PYGB: variants seen among roughly 807,000 people sequenced by gnomAD.
PYGB encodes the protein glycogen phosphorylase, brain form.
A neutral mutation model predicts 94.3 loss-of-function variants in PYGB; 82 were observed. The observed-to-expected ratio is 0.87, with a 90% CI of 0.73 to 1.04. The LOEUF (loss-of-function observed/expected upper bound fraction) is 1.04. PYGB is among the 50% of genes least tolerant of loss of function. The pLI, the probability that PYGB is intolerant of heterozygous loss-of-function variation, is 0.00. For synonymous variants in PYGB, 488 were observed against 479.1 expected (o/e 1.02, Z -0.24); for missense variants, 1,132 against 1,158.2 (o/e 0.98, Z 0.33).
chr20:25,287,960 G>A (rs918858818), intron 14 of PYGB, among the ~76,000 whole-genome samples: 2 of 152,202 alleles, frequency 1.3e-5, no homozygotes, highest in Non-Finnish European at 2.9e-5. Context: ...CAGCCTGGGC[G>A]ACAGAGTGAG....
chr20:25,285,475 A>G (rs980165554), intron 14 of PYGB: 1 of 149,702 alleles, frequency 6.7e-6, no homozygotes, highest in Non-Finnish European at 1.5e-5. Context: ...CGCCACCCCC[A>G]GTCGTCAGTT....
chr20:25,249,611 G>A (rs2092881783), intron 1 of PYGB, among the ~76,000 whole-genome samples: 1 of 152,228 alleles, frequency 6.6e-6, no homozygotes, highest in Admixed American at 6.5e-5. Context: ...GAGATTGACT[G>A]CTTTTCCAAA....
In PYGB at chr20:25,277,285, T is replaced by G. The variant is rs2088321723; in HGVS notation, c.814T>G (p.Leu272Val). 1 of 1,587,120 alleles carries G rather than the reference T, an allele frequency of 6.3e-7. No individual in the cohort carries two copies. The highest frequency in any genetic ancestry group is 8.7e-7 in the Non-Finnish European group (1 of 1,155,498). The change falls in exon 7 of 20, where the codon TTG (leucine) becomes GTG (valine). Residue 272 changes from leucine (L) to valine (V), a missense_variant. By Grantham distance (32) the Leu-to-Val change is conservative. Transcript: ENST00000216962. ...CATCGAGGCGGTCCTGGACCGGAAC[T>G]TGGCTGAGAACATCTCCAGGGTCCT... ...DYIEAVLDRNLAENISRVLYP... is the reference protein window; with the variant it reads ...DYIEAVLDRNVAENISRVLYP...
chr20:25,249,197 T>C (rs1051314757), intron 1 of PYGB, among the ~76,000 whole-genome samples: 4 of 152,220 alleles, frequency 2.6e-5, no homozygotes, highest in African/African-American at 9.6e-5. Context: ...TATTCCTAAA[T>C]ATACATACAC....
intron 2 of PYGB, among the ~76,000 whole-genome samples, chr20:25,263,903 AAG>A (rs2092918906): frequency 6.6e-6 from 1 of 152,232 alleles, no homozygotes; most frequent in Non-Finnish European, 1.5e-5. Context: ...TCAATAGAAA[AAG>A]AGAGAATCCT....
intron 8 of PYGB, among the ~76,000 whole-genome samples, 153 bp downstream of exon 8, chr20:25,278,615 G>T (rs2088336551): frequency 1.3e-5 from 2 of 152,246 alleles, no homozygotes; most frequent in Non-Finnish European, 2.9e-5. Context: ...ATCCCACCTG[G>T]GCCCTCCCTT....
rs2088329094 is a variant in PYGB, at chr20:25,278,007, A to G, written c.856-312A>G. Among the ~76,000 whole-genome samples, 3 of 152,246 alleles carry G rather than the reference A, an allele frequency of 2.0e-5. 1 individual carries two copies. The highest frequency in any genetic ancestry group is 4.1e-4 in the South Asian group (2 of 4,838). The stretch of plus-strand genomic sequence containing the variant: ...TCAAAGAGTGCACTCCCCTGTCCCC[A>G]TGAGACTGTTGGCAGACCCCAAGCC... On this transcript the variant is annotated intron_variant, in intron 7 of 19. Coordinates refer to ENST00000216962, the MANE Select transcript of PYGB (RefSeq NM_002862.4).
In PYGB at chr20:25,279,694, TA is replaced by T. The variant is rs1008096909; in HGVS notation, c.1092+554del. ...GGGCAATACAGCAAGACCCCACCTC[TA>T]AAAAAAAAGCCAGGTGTGGCAGCAC... On this transcript the variant is annotated intron_variant, in intron 9 of 19. Coordinates refer to ENST00000216962, the MANE Select transcript of PYGB (RefSeq NM_002862.4). Among the ~76,000 whole-genome samples the T allele has an allele frequency of 1.1e-4, 17 of 149,878 alleles. No homozygotes were observed. In the South Asian group the frequency reaches 1.9e-3, roughly 17 times the overall value.
chr20:25,289,855 TCAC>T (rs779379575), intron 15 of PYGB: 26 of 533,380 alleles, frequency 4.9e-5, no homozygotes, highest in Middle Eastern at 3.2e-4. Flanking sequence ...GACTGAAACA[TCAC>T]CACACAGTAC....
chr20:25,274,088 A>G (rs991848545), intron 4 of PYGB, among the ~76,000 whole-genome samples: 1 of 152,140 alleles, frequency 6.6e-6, no homozygotes, highest in Admixed American at 6.5e-5. Context: ...CGATTTCAGT[A>G]TATTCAGAGT....
chr20:25,248,194 A>C lies in PYGB; in HGVS notation c.16A>C (p.Thr6Pro). The C allele has an allele frequency of 2.5e-6, 4 of 1,591,336 alleles. No individual in the cohort carries two copies. The highest frequency in any genetic ancestry group is 2.3e-5 in the East Asian group (1 of 42,664). The part of the protein sequence containing the change: MAKPL[T>P]DSEKRKQISV... ...CGCCGGCGCGATGGCGAAGCCGCTGACGGACAGCGAGAAGCGGAAGCAGAT... is the reference window on the plus strand; with the variant it reads ...CGCCGGCGCGATGGCGAAGCCGCTGCCGGACAGCGAGAAGCGGAAGCAGAT... The change falls in exon 1 of 20, where the codon ACG (threonine) becomes CCG (proline). Residue 6 changes from threonine to proline, a missense_variant. By Grantham distance (38) the Thr-to-Pro change is conservative (BLOSUM62 -1). Coordinates refer to ENST00000216962, the MANE Select transcript of PYGB (RefSeq NM_002862.4).
Position 25,274,537 on chromosome 20 carries a change from G to A in PYGB, c.529-55G>A, listed in dbSNP as rs1187334626. On this transcript the variant is annotated intron_variant, in intron 4 of 19. Transcript: ENST00000216962. ...CACGGTCTGCTGGGTCCAGGACAGG[G>A]CGGTGGCCTGGGACATCTGCGCTGA... 1.6e-5 allele frequency: 25 copies of A among 1,592,128 alleles called. No homozygotes were observed. The Admixed American group carries it at 3.4e-4, about 22-fold the overall frequency.
chr20:25,290,975 C>G (rs1408165027), intron 16 of PYGB, among the ~76,000 whole-genome samples: 1 of 152,038 alleles, frequency 6.6e-6, no homozygotes, highest in Non-Finnish European at 1.5e-5. Flanking sequence ...GCAGGACCTG[C>G]CTGGCCTGCC....
chr20:25,260,850 G>A lies in PYGB; in HGVS notation c.345+1512G>A, dbSNP rs939981297. Among the ~76,000 whole-genome samples the A allele has an allele frequency of 2.0e-5, 3 of 152,344 alleles. No individual in the cohort carries two copies. In the East Asian group the frequency reaches 5.8e-4, roughly 29 times the overall value. ...AATTATATCCCGCACCAGGCTCAGA[G>A]GGTCCCACGCCCACGGAGCCTCACT... On this transcript the variant is annotated intron_variant, in intron 2 of 19. Transcript: ENST00000216962.
intron 1 of PYGB, among the ~76,000 whole-genome samples, chr20:25,255,419 G>T (rs890826169): frequency 6.6e-6 from 1 of 152,004 alleles, no homozygotes; most frequent in Non-Finnish European, 1.5e-5. Context: ...GGGAGCCCCC[G>T]CTCCAAGGCC....
At position 25,296,416 on chromosome 20, in the gene PYGB, C is replaced by T. The variant is rs762351986; in HGVS notation, c.2426C>T (p.Ser809Leu). 3 of 1,614,070 alleles carry T rather than the reference C, an allele frequency of 1.9e-6. No homozygotes were observed. Among genetic ancestry groups the T allele is most frequent in the South Asian group, 1.1e-5 (1 of 91,080 alleles). ...TKKVIRNIACSGKFSSDRTIT... is the reference protein window; with the variant it reads ...TKKVIRNIACLGKFSSDRTIT... ...AAGGTCATCAGGAACATCGCCTGCTCGGGCAAGTTCTCCAGTGACCGGACC... is the reference window on the plus strand; with the variant it reads ...AAGGTCATCAGGAACATCGCCTGCTTGGGCAAGTTCTCCAGTGACCGGACC... The change falls in exon 20 of 20, where the codon TCG becomes TTG. Residue 809 changes from serine to leucine, a missense_variant. By Grantham distance (145) the Ser-to-Leu change is moderately radical. Coordinates refer to ENST00000216962, the MANE Select transcript of PYGB (RefSeq NM_002862.4).
intron 8 of PYGB, 24 bp from the exon 9 acceptor site, chr20:25,279,033 T>C (rs1345365478): frequency 6.3e-7 from 1 of 1,598,302 alleles, no homozygotes; most frequent in Non-Finnish European, 8.6e-7. Context: ...AATGACTGAA[T>C]GGCACCCCTT....
intron 14 of PYGB, chr20:25,285,407 A>G (rs373731521): frequency 6.7e-6 from 1 of 148,678 alleles, no homozygotes; most frequent in Admixed American, 6.7e-5. Context: ...CACCACCCCC[A>G]CAGTCAGTTG....
chr20:25,265,071 A>T (rs1448550137), intron 2 of PYGB, among the ~76,000 whole-genome samples: 3 of 152,356 alleles, frequency 2.0e-5, no homozygotes, highest in Middle Eastern at 3.4e-3. Context: ...ACTGGTACCA[A>T]AACAGAGATA....
Sources: gnomAD v4.1 joint callset for allele counts (sites outside exome capture counted in the v4.1 genomes callset) on GRCh38, gnomAD v4.1.1 for gene constraint, MANE v1.5 for transcripts, NCBI Gene and HGNC (gene_info 2026-07-23, HGNC 2026-07-21) for gene names.